ABHD10: variants seen among roughly 807,000 people sequenced by gnomAD.
ABHD10 encodes palmitoyl-protein thioesterase ABHD10, mitochondrial.
In ABHD10, 22 loss-of-function variants were observed where a neutral mutation model predicts 33.1. That is an observed-to-expected ratio of 0.66 (90% CI 0.47 to 0.95). The LOEUF (loss-of-function observed/expected upper bound fraction) is 0.95, where lower values mean the gene tolerates loss of function less well. ABHD10 is among the 40% of genes least tolerant of loss of function. ABHD10 has a pLI of 0.00. For synonymous variants in ABHD10, 146 were observed against 133.9 expected (o/e 1.09, Z -0.62); for missense variants, 352 against 379.9 (o/e 0.93, Z 0.61).
At chr3:111,990,734 C>T in intron 4 of ABHD10, 1 of 1,419,500 alleles carries the variant, frequency 7.0e-7, no homozygotes, top group East Asian at 2.7e-5. Flanking sequence ...TCTTTACATT[C>T]AGCCTAAAAT....
chr3:111,984,267 C>T (rs1333827692), intron 2 of ABHD10, among the ~76,000 whole-genome samples: 1 of 152,152 alleles, frequency 6.6e-6, no homozygotes, highest in Non-Finnish European at 1.5e-5. Flanking sequence ...GATCCAAAAT[C>T]GTTTCACTTC....
chr3:111,980,888 T>G (rs1174914361), intron 1 of ABHD10, among the ~76,000 whole-genome samples: 2 of 152,062 alleles, frequency 1.3e-5, no homozygotes, highest in Admixed American at 1.3e-4. Flanking sequence ...ATTTCTTGGT[T>G]GAGGTAGGCG....
At position 111,992,612 on chromosome 3, in the gene ABHD10, G is replaced by A. The variant is rs1160870368; in HGVS notation, c.*891G>A. The A allele has an allele frequency of 6.6e-6, 1 of 152,080 alleles. No homozygotes were observed. The highest frequency in any genetic ancestry group is 2.4e-5 in the African/African-American group (1 of 41,408). 9.4% of individuals were successfully genotyped at this position (152,080 alleles called of 1,614,324 possible). On this transcript the variant is annotated 3_prime_UTR_variant, in exon 5 of 5. Transcript: ENST00000273359. ...CTTTCCTAAATAACTAAAGTGAGGT[G>A]TAGATTGAGCCTTGATATTATTTAG...
At chr3:111,988,108 AAAAAG>A (rs1161316368) in intron 4 of ABHD10, among the ~76,000 whole-genome samples, 2 of 152,210 alleles carry the variant, frequency 1.3e-5, no homozygotes, top group African/African-American at 2.4e-5. Flanking sequence ...AAATTTAAAA[AAAAAG>A]AAGAAAAAAC....
At chr3:111,984,654 A>G (rs748587560) in intron 2 of ABHD10, among the ~76,000 whole-genome samples, 1 of 152,202 alleles carries the variant, frequency 6.6e-6, no homozygotes, top group Non-Finnish European at 1.5e-5. Flanking sequence ...TCAAAAAAAC[A>G]GGCCAAAGCA....
chr3:111,981,754 C>T (rs373428782), intron 1 of ABHD10, 30 bp from the exon 2 acceptor site: 24 of 1,477,970 alleles, frequency 1.6e-5, no homozygotes, highest in Non-Finnish European at 1.8e-6. Context: ...GTTTACAAAC[C>T]ATAGTTTACT....
chr3:111,987,533 A>G (rs1256078283), intron 4 of ABHD10, among the ~76,000 whole-genome samples: 1 of 152,016 alleles, frequency 6.6e-6, no homozygotes, highest in Non-Finnish European at 1.5e-5. Flanking sequence ...ACCAAAATCC[A>G]CAGATGGTCA....
chr3:111,982,059 C>A, intron 2 of ABHD10, 92 bp downstream of exon 2: 1 of 935,596 alleles, frequency 1.1e-6, no homozygotes, highest in Non-Finnish European at 1.4e-6. Flanking sequence ...TAAATGCCAG[C>A]ATTTTTATAC....
chr3:111,980,890 AGGTAGGCGGATGGGTGGGCGGGTGGAT>A (rs1412084596), intron 1 of ABHD10, among the ~76,000 whole-genome samples: 1 of 151,900 alleles, frequency 6.6e-6, no homozygotes, highest in Non-Finnish European at 1.5e-5. Context: ...TTCTTGGTTG[AGGTAGGCGGATGGGTGGGCGGGTGGAT>A]GGGAGTCAGT....
chr3:111,979,075 G>C lies in ABHD10; in HGVS notation c.14G>C (p.Arg5Pro), dbSNP rs61736214. 5.5e-4 allele frequency: 884 copies of C among 1,613,134 alleles called. 10 individuals are homozygous for C. The African/African-American group carries it at 0.011, about 20-fold the overall frequency. The change falls in exon 1 of 5, where the codon CGC becomes CCC. Residue 5 changes from arginine (R) to proline (P), a missense_variant. By Grantham distance (103) the Arg-to-Pro change is moderately radical. Coordinates refer to ENST00000273359, the MANE Select transcript of ABHD10 (RefSeq NM_018394.4). The part of the protein sequence containing the change: MAVA[R>P]LAAVAAWVPC... ...ACAACTACGAAGATGGCGGTTGCGC[G>C]CTTGGCAGCTGTGGCGGCCTGGGTA...
rs375803924 is a variant in ABHD10, at chr3:111,991,412, C to T, written c.612C>T (p.Ser204=). The T allele has an allele frequency of 3.3e-5, 53 of 1,612,686 alleles. No homozygotes were observed. Among genetic ancestry groups the T allele is most frequent in the Non-Finnish European group, 4.0e-5 (47 of 1,179,636 alleles). ...AAGTAGAGATGAAAGGTGTGTGGAG[C>T]ATGCCATCAAAATACTCTGAAGAAG... The part of the protein sequence containing the change: ...KKEVEMKGVW[S]MPSKYSEEGV... The change falls in exon 5 of 5, where the codon AGC becomes AGT. Residue 204 remains serine (S), a synonymous_variant. Transcript: ENST00000273359.
chr3:111,983,776 G>T (rs887662439), intron 2 of ABHD10, among the ~76,000 whole-genome samples: 4 of 152,058 alleles, frequency 2.6e-5, no homozygotes, highest in Non-Finnish European at 4.4e-5. Context: ...CAGATCTCAG[G>T]AATATAACAT....
chr3:111,987,430 G>A (rs2072681817), intron 4 of ABHD10, among the ~76,000 whole-genome samples: 1 of 152,064 alleles, frequency 6.6e-6, no homozygotes, highest in Non-Finnish European at 1.5e-5. Context: ...AGTAGTGCCT[G>A]TTCTTATGAC....
chr3:111,986,970 AC>A lies in ABHD10; in HGVS notation c.497del (p.Pro166GlnfsTer10). 1 of 1,613,134 alleles carries A rather than the reference AC, an allele frequency of 6.2e-7. No individual in the cohort carries two copies. The highest frequency in any genetic ancestry group is 8.5e-7 in the Non-Finnish European group (1 of 1,179,828). ...WLMLHAAIAR[P>X]EKVVALIGVA... ...TTATGCTTCATGCTGCAATTGCACG[AC>A]CAGAGAAGGTCGTGGCTCTTATTGG... On this transcript the variant is annotated frameshift_variant, in exon 4 of 5. Transcript: ENST00000273359. LOFTEE classifies it high-confidence loss of function.
chr3:111,979,237 C>A (rs747676706), intron 1 of ABHD10, 34 bp downstream of exon 1: 3 of 1,568,206 alleles, frequency 1.9e-6, no homozygotes, highest in Middle Eastern at 1.7e-4. Context: ...AGGATGCGTT[C>A]TTTCGAACGC....
At chr3:111,989,414 G>A (rs1304524904) in intron 4 of ABHD10, among the ~76,000 whole-genome samples, 1 of 152,152 alleles carries the variant, frequency 6.6e-6, no homozygotes, top group Non-Finnish European at 1.5e-5. Context: ...TTTTGTTCTT[G>A]AGGACTTGAG....
chr3:111,981,844 A>T lies in ABHD10; in HGVS notation c.203A>T (p.Tyr68Phe). Reference protein sequence around the residue: ...LNRPDLPNLAYKKLKGKSPGI... With the variant: ...LNRPDLPNLAFKKLKGKSPGI... ...CGACCAGACCTTCCAAACCTGGCTT[A>T]TAAGAAGCTAAAAGGCAAAAGTCCA... Residue 68 changes from tyrosine to phenylalanine, a missense_variant, in exon 2 of 5, where the codon TAT becomes TTT. Tyr to Phe is a conservative substitution (Grantham distance 22). Coordinates refer to ENST00000273359, the MANE Select transcript of ABHD10 (RefSeq NM_018394.4). The T allele has an allele frequency of 6.2e-7, 1 of 1,606,764 alleles. No individual in the cohort carries two copies. The highest frequency in any genetic ancestry group is 8.5e-7 in the Non-Finnish European group (1 of 1,174,702).
At chr3:111,983,486 A>C (rs530361902) in intron 2 of ABHD10, among the ~76,000 whole-genome samples, 5 of 152,276 alleles carry the variant, frequency 3.3e-5, no homozygotes, top group African/African-American at 7.2e-5. Flanking sequence ...CTTCATAAAG[A>C]ATAGTGCTTA....
rs772542639 is a variant in ABHD10, at chr3:111,986,982, C to T, written c.507C>T (p.Val169=). 9 of 1,613,140 alleles carry T rather than the reference C, an allele frequency of 5.6e-6. No homozygotes were observed. The highest frequency in any genetic ancestry group is 5.3e-5 in the African/African-American group (4 of 74,858). The change falls in exon 4 of 5, where the codon GTC becomes GTT. Residue 169 remains valine (V), a synonymous_variant. Transcript: ENST00000273359. ...CTGCAATTGCACGACCAGAGAAGGTCGTGGCTCTTATTGGTGTAGCTACAG... is the reference window on the plus strand; with the variant it reads ...CTGCAATTGCACGACCAGAGAAGGTTGTGGCTCTTATTGGTGTAGCTACAG... ...LHAAIARPEK[V]VALIGVATAA...
Sources: allele counts gnomAD v4.1 joint callset (sites outside exome capture counted in the v4.1 genomes callset), GRCh38; gene constraint gnomAD v4.1.1; transcripts MANE v1.5; gene names NCBI Gene and HGNC (gene_info 2026-07-23, HGNC 2026-07-21).